Variants in MX1 observed in about 807,000 individuals in gnomAD.
MX1 encodes the protein interferon-induced GTP-binding protein Mx1.
In MX1, 66 loss-of-function variants were observed where a neutral mutation model predicts 66.4. The ratio of observed to expected loss-of-function variants is 0.99; its 90% CI spans 0.82 to 1.22. The LOEUF (loss-of-function observed/expected upper bound fraction) is 1.22. MX1 is among the 50% of genes most tolerant of loss of function. The probability of loss-of-function intolerance (pLI) is 0.00; values close to 1 mark genes in which losing one functional copy is unlikely to be tolerated. For synonymous variants in MX1, 311 were observed against 318.1 expected (o/e 0.98, Z 0.24); for missense variants, 787 against 834.3 (o/e 0.94, Z 0.70).
intron 1 of MX1, among the ~76,000 whole-genome samples, chr21:41,421,139 C>T (rs1394612257): frequency 6.6e-6 from 1 of 152,198 alleles, no homozygotes; most frequent in African/African-American, 2.4e-5. Context: ...GAACAAAGGT[C>T]TTTGCATCAT....
Position 41,458,549 on chromosome 21 carries a change from A to C in MX1, c.1780A>C (p.Ser594Arg). 6.3e-7 allele frequency: 1 copy of C among 1,585,824 alleles called. No homozygotes were observed. Among genetic ancestry groups the C allele is most frequent in the East Asian group, 2.3e-5 (1 of 42,900 alleles). Reference protein sequence around the residue: ...YHQEASKRISSHIPLIIQFFM... With the variant: ...YHQEASKRISRHIPLIIQFFM... ...CCAGGAGGCCAGCAAGCGCATCTCC[A>C]GCCACATCCCTTTGATCATCCAGTT... Residue 594 changes from serine to arginine, a missense_variant, in exon 17 of 17, where the codon AGC (serine) becomes CGC (arginine). Transcript: ENST00000398598.
At chr21:41,451,284 G>T (rs772911194) in intron 15 of MX1, 41 bp downstream of exon 15, 15 of 1,238,666 alleles carry the variant, frequency 1.2e-5, no homozygotes, top group Non-Finnish European at 1.4e-5. Context: ...AAAAAGAAAA[G>T]AAATTAAGCT....
Position 41,441,010 on chromosome 21 carries a change from G to T in MX1, c.715G>T (p.Gly239Ter), listed in dbSNP as rs984961079. The change falls in exon 9 of 17, where the codon GGA (glycine) becomes TGA (stop). Residue 239 changes from glycine (G) to a stop codon, truncating the protein, a stop_gained. Coordinates refer to ENST00000398598, the MANE Select transcript of MX1 (RefSeq NM_002462.5). LOFTEE classifies it high-confidence loss of function. The surrounding 1 kb of genome is among the most constrained non-coding windows in gnomAD (Gnocchi z 4.0). ...CATGGCCCAGGAGGTGGACCCCGAG[G>T]GAGACAGGACCATCGGTGAGAGTGG... Reference protein sequence around the residue: ...LSMAQEVDPEGDRTIGILTKP... With the variant: ...LSMAQEVDPE 4.3e-6 allele frequency: 7 copies of T among 1,613,842 alleles called. No homozygotes were observed. In the Admixed American group the frequency reaches 1.2e-4, roughly 27 times the overall value.
Position 41,427,218 on chromosome 21 carries a change from G to A in MX1, c.-296G>A, listed in dbSNP as rs957781465. 2.6e-5 allele frequency: 4 copies of A among 152,236 alleles called. No individual in the cohort carries two copies. Among genetic ancestry groups the A allele is most frequent in the African/African-American group, 4.8e-5 (2 of 41,450 alleles). The allele number at this position is 152,236 out of a possible 1,614,324, so 9.4% of individuals were successfully genotyped here. On this transcript the variant is annotated 5_prime_UTR_variant, in exon 2 of 17. Transcript: ENST00000398598. The stretch of plus-strand genomic sequence containing the variant: ...TGTCATCTTTCAGCCTTGGACCGCA[G>A]TTGCCGGCCAGGAATCCCAGTGTCA...
In MX1 at chr21:41,441,893, T is replaced by C. The variant is rs770523779; in HGVS notation, c.908T>C (p.Phe303Ser). 4.1e-5 allele frequency: 66 copies of C among 1,613,962 alleles called. No homozygotes were observed. Among genetic ancestry groups the C allele is most frequent in the Non-Finnish European group, 5.6e-5 (66 of 1,180,024 alleles). Residue 303 changes from phenylalanine (F) to serine (S), a missense_variant, in exon 10 of 17, where the codon TTT becomes TCT. Physicochemically the swap from Phe to Ser is radical, Grantham distance 155. Transcript: ENST00000398598. The surrounding 1 kb of genome is among the most constrained non-coding windows in gnomAD (Gnocchi z 4.0). ...SEALQREKIFFENHPYFRDLL... is the reference protein window; with the variant it reads ...SEALQREKIFSENHPYFRDLL... The stretch of plus-strand genomic sequence containing the variant: ...GCCCTGCAGAGAGAGAAGATCTTCT[T>C]TGAGAACCACCCATATTTCAGGTGC...
At chr21:41,445,745 G>T in intron 12 of MX1, 175 bp downstream of exon 12, 1 of 914,218 alleles carries the variant, frequency 1.1e-6, no homozygotes, top group Non-Finnish European at 1.6e-6. Flanking sequence ...TGCAGATGTG[G>T]GGGTGGAGTC....
At chr21:41,446,903 G>A (rs1221314475) in intron 13 of MX1, among the ~76,000 whole-genome samples, 2 of 152,172 alleles carry the variant, frequency 1.3e-5, no homozygotes, top group African/African-American at 4.8e-5. Flanking sequence ...AGAGAAGAGT[G>A]GGGCAGTTGG....
At chr21:41,434,597 A>G (rs955829214) in intron 5 of MX1, among the ~76,000 whole-genome samples, 5 of 152,198 alleles carry the variant, frequency 3.3e-5, no homozygotes, top group Middle Eastern at 3.4e-3. Flanking sequence ...CTTATTAAGT[A>G]TAACTCTTGG....
intron 6 of MX1, among the ~76,000 whole-genome samples, chr21:41,436,431 A>ATTT (rs1445733710): frequency 6.6e-6 from 1 of 152,164 alleles, no homozygotes. Context: ...CTCATTGCAC[A>ATTT]TTTTTTTCAC....
At chr21:41,432,301 C>A in intron 5 of MX1, 126 bp downstream of exon 5, 2 of 826,800 alleles carry the variant, frequency 2.4e-6, no homozygotes, top group Non-Finnish European at 2.0e-6. Context: ...TGTGCCAGGA[C>A]GCAGATCCTG....
chr21:41,441,113 G>C lies in MX1; in HGVS notation c.730+88G>C. On this transcript the variant is annotated intron_variant, in intron 9 of 16. Transcript: ENST00000398598. The surrounding 1 kb of genome is among the most constrained non-coding windows in gnomAD (Gnocchi z 4.0). Reference sequence around the variant, plus strand: ...GAATGGGGGAGCCCACCTGTGCTCGGTGAGAATGGGGGAGCCCGCCTGTGC... The same window carrying C: ...GAATGGGGGAGCCCACCTGTGCTCGCTGAGAATGGGGGAGCCCGCCTGTGC... 1 of 1,189,720 alleles carries C rather than the reference G, an allele frequency of 8.4e-7. No individual in the cohort carries two copies. The highest frequency in any genetic ancestry group is 1.2e-6 in the Non-Finnish European group (1 of 849,228). 73.7% of individuals were successfully genotyped at this position (1,189,720 alleles called of 1,614,324 possible).
chr21:41,431,892 T>C, intron 4 of MX1, 158 bp from the exon 5 acceptor site: 1 of 597,414 alleles, frequency 1.7e-6, no homozygotes, highest in Non-Finnish European at 3.0e-6. Context: ...GAGCACACAC[T>C]GTGTCCCAGG....
intron 7 of MX1, 67 bp downstream of exon 7, chr21:41,437,219 T>TCATA: frequency 6.4e-7 from 1 of 1,571,480 alleles, no homozygotes; most frequent in South Asian, 1.1e-5. Context: ...TTGTAACTGT[T>TCATA]CATACTCCCA....
chr21:41,425,054 G>T (rs1183228953), upstream of MX1, among the ~76,000 whole-genome samples: 1 of 152,218 alleles, frequency 6.6e-6, no homozygotes, highest in East Asian at 1.9e-4. Flanking sequence ...TCTGCAACTT[G>T]TTACAATGCT....
intron 7 of MX1, 88 bp downstream of exon 7, chr21:41,437,240 C>A: frequency 6.8e-7 from 1 of 1,478,934 alleles, no homozygotes; most frequent in Non-Finnish European, 9.3e-7. Flanking sequence ...CCTCCCTGGG[C>A]CTGTGCTGTC....
At chr21:41,432,820 C>G (rs958302832) in intron 5 of MX1, among the ~76,000 whole-genome samples, 2 of 152,156 alleles carry the variant, frequency 1.3e-5, no homozygotes, top group Non-Finnish European at 2.9e-5. Context: ...GATCACTGGT[C>G]TGTTTCAGGC....
chr21:41,459,062 A>G lies in MX1; in HGVS notation c.*304A>G, dbSNP rs2091026686. 2.0e-6 allele frequency: 1 copy of G among 495,782 alleles called. No individual in the cohort carries two copies. The highest frequency in any genetic ancestry group is 1.9e-5 in the African/African-American group (1 of 51,974). 30.7% of individuals were successfully genotyped at this position (495,782 alleles called of 1,614,324 possible). A position where few individuals can be genotyped will look rare whatever the true frequency, so the allele number is the denominator to read the frequency against. ...CAGCTCTCCCCTTCTCTGTATTCCT[A>G]GAAACTGACACATGCTGAACATCAC... On this transcript the variant is annotated 3_prime_UTR_variant, in exon 17 of 17. Coordinates refer to ENST00000398598, the MANE Select transcript of MX1 (RefSeq NM_002462.5).
At position 41,441,762 on chromosome 21, in the gene MX1, G is replaced by T; in HGVS notation, c.777G>T (p.Lys259Asn). The T allele has an allele frequency of 6.2e-7, 1 of 1,614,218 alleles. No individual in the cohort carries two copies. The highest frequency in any genetic ancestry group is 8.5e-7 in the Non-Finnish European group (1 of 1,180,046). The part of the protein sequence containing the change: ...PDLVDKGTED[K>N]VVDVVRNLVF... ...TGGTGGACAAAGGAACTGAAGACAA[G>T]GTTGTGGACGTGGTGCGGAACCTCG... The change falls in exon 10 of 17, where the codon AAG becomes AAT. Residue 259 changes from lysine to asparagine, a missense_variant. Transcript: ENST00000398598. The surrounding 1 kb of genome is among the most constrained non-coding windows in gnomAD (Gnocchi z 4.0).
Position 41,437,000 on chromosome 21 carries a change from G to T in MX1, c.299-15G>T, listed in dbSNP as rs1200210613. 7 of 1,613,398 alleles carry T rather than the reference G, an allele frequency of 4.3e-6. No individual in the cohort carries two copies. The East Asian group carries it at 1.6e-4, about 36-fold the overall frequency. On this transcript the variant is annotated splice_polypyrimidine_tract_variant and intron_variant, in intron 6 of 16. Transcript: ENST00000398598. ...AAGAGCAAAGTGGAGCACTGATGTG[G>T]GCGTGGCCTCCTAGGGATCGTGACC...
Sources: gnomAD v4.1 joint callset for allele counts (sites outside exome capture counted in the v4.1 genomes callset) on GRCh38, gnomAD v4.1.1 for gene constraint, Gnocchi (gnomAD v3.1) non-coding constraint, MANE v1.5 for transcripts, NCBI Gene and HGNC (gene_info 2026-07-23, HGNC 2026-07-21) for gene names.